The following FOXP2 variants were observed in gnomAD, a reference collection of about 807,000 sequenced individuals.
The protein encoded by FOXP2 is forkhead box protein P2.
In FOXP2, 12 loss-of-function variants were observed where a neutral mutation model predicts 115.8. The observed-to-expected ratio is 0.10, with a 90% confidence interval of 0.07 to 0.17. The LOEUF (loss-of-function observed/expected upper bound fraction) is 0.17. FOXP2 is among the 10% of genes least tolerant of loss of function. The pLI, the probability that FOXP2 is intolerant of heterozygous loss-of-function variation, is 1.00. For synonymous variants in FOXP2, 328 were observed against 297.7 expected, an observed-to-expected ratio of 1.10 and a Z score of -1.05; for missense variants, 629 against 843.5, an observed-to-expected ratio of 0.75 and a Z score of 3.15.
At chr7:114,588,528 A>G (rs1194764822) in intron 3 of FOXP2, among the ~76,000 whole-genome samples, 3 of 152,258 alleles carry the variant, frequency 2.0e-5, no homozygotes, top group African/African-American at 4.8e-5. Context: ...GAAACTGACA[A>G]TACATATCTT....
chr7:114,117,887 C>T (rs1236166591), intron 1 of FOXP2, among the ~76,000 whole-genome samples: 2 of 152,148 alleles, frequency 1.3e-5, no homozygotes, highest in African/African-American at 4.8e-5. Context: ...TGTATCCTCA[C>T]ATGGCGAAGA....
intron 2 of FOXP2, among the ~76,000 whole-genome samples, chr7:114,440,191 TA>T: frequency 6.6e-6 from 1 of 152,290 alleles, no homozygotes; most frequent in South Asian, 2.1e-4. Flanking sequence ...GTCACATAGC[TA>T]GTAAGACAGA....
rs1449417391 is a variant in FOXP2, at chr7:114,691,715, G to A, written c.*1789G>A. ...TGGTTATTGCTTTACAAACAGTTTTGACAGAAGGTGGCTGCTAGAGCTTAA... is the reference window on the plus strand; with the variant it reads ...TGGTTATTGCTTTACAAACAGTTTTAACAGAAGGTGGCTGCTAGAGCTTAA... On this transcript the variant is annotated 3_prime_UTR_variant, in exon 17 of 17. Coordinates refer to ENST00000350908, the MANE Select transcript of FOXP2 (RefSeq NM_014491.4). 2.2e-6 allele frequency: 1 copy of A among 453,916 alleles called. No homozygotes were observed. Among genetic ancestry groups the A allele is most frequent in the African/African-American group, 2.0e-5 (1 of 49,932 alleles). The allele number at this position is 453,916 out of a possible 1,614,324, so 28.1% of individuals were successfully genotyped here. A position where few individuals can be genotyped will look rare whatever the true frequency, so the allele number is the denominator to read the frequency against.
chr7:114,216,655 G>A (rs1404594164), intron 1 of FOXP2, among the ~76,000 whole-genome samples: 2 of 151,826 alleles, frequency 1.3e-5, no homozygotes, highest in African/African-American at 4.8e-5. Context: ...TTAAGTGTAC[G>A]TCTCTGATTT....
intron 1 of FOXP2, among the ~76,000 whole-genome samples, chr7:114,232,809 G>A (rs905818484): frequency 2.2e-5 from 3 of 135,094 alleles, no homozygotes; most frequent in African/African-American, 2.9e-5. Flanking sequence ...GCGAAACTCC[G>A]TCTCAAAAAA....
At chr7:114,131,152 C>A (rs1791864676) in intron 1 of FOXP2, among the ~76,000 whole-genome samples, 1 of 152,144 alleles carries the variant, frequency 6.6e-6, no homozygotes, top group South Asian at 2.1e-4. Context: ...TTTACCAGAT[C>A]ATATGCTGTT....
At chr7:114,387,712 T>TA (rs971181450) in intron 2 of FOXP2, among the ~76,000 whole-genome samples, 2 of 152,112 alleles carry the variant, frequency 1.3e-5, no homozygotes, top group South Asian at 2.1e-4. Flanking sequence ...ATATTCACAG[T>TA]AAAAAAATTC....
At chr7:114,218,918 G>A (rs554891911) in intron 1 of FOXP2, among the ~76,000 whole-genome samples, 7 of 152,126 alleles carry the variant, frequency 4.6e-5, no homozygotes, top group South Asian at 2.1e-4. Context: ...ACCAGCTGCC[G>A]TCCTGAACTC....
chr7:114,663,374 C>G (rs938972581), intron 14 of FOXP2, 76 bp from the exon 15 acceptor site: 6 of 1,097,532 alleles, frequency 5.5e-6, no homozygotes, highest in Admixed American at 3.6e-5. Context: ...CAGAACATAC[C>G]TTTATAGCTG....
rs577513586 is a variant in FOXP2, at chr7:114,291,921, T to C, written c.-11+3812T>C. 5.6e-3 allele frequency among the ~76,000 whole-genome samples: 795 copies of C among 141,746 alleles called. 11 individuals are homozygous for C. The highest frequency in any genetic ancestry group is 0.011 in the African/African-American group (406 of 38,422). 93.0% of individuals were successfully genotyped at this position (141,746 alleles called of 152,430 possible). A position where few individuals can be genotyped will look rare whatever the true frequency, so the allele number is the denominator to read the frequency against. On this transcript the variant is annotated intron_variant, in intron 2 of 17. Coordinates refer to the FOXP2 transcript ENST00000634411. ...TAGATAATATATAGAATATATATTATAGATAATATATAGAATATATATTAT... is the reference window on the plus strand; with the variant it reads ...TAGATAATATATAGAATATATATTACAGATAATATATAGAATATATATTAT...
intron 3 of FOXP2, among the ~76,000 whole-genome samples, chr7:114,544,331 G>T (rs574595686): frequency 1.3e-4 from 20 of 151,842 alleles, no homozygotes; most frequent in Non-Finnish European, 2.4e-4. Flanking sequence ...CCCAGTTAGA[G>T]AGCCTCTGTC....
intron 2 of FOXP2, among the ~76,000 whole-genome samples, chr7:114,321,632 A>C (rs886887041): frequency 6.6e-6 from 1 of 152,210 alleles, no homozygotes; most frequent in Non-Finnish European, 1.5e-5. Flanking sequence ...CTTTTGTAGC[A>C]AACGTGTGTA....
At chr7:114,567,284 CT>C (rs1431833466) in intron 3 of FOXP2, among the ~76,000 whole-genome samples, 1 of 151,988 alleles carries the variant, frequency 6.6e-6, no homozygotes, top group East Asian at 1.9e-4. Flanking sequence ...GTTCTAATTA[CT>C]TTACAATTGA....
chr7:114,604,156 T>C (rs1260952571), intron 3 of FOXP2, among the ~76,000 whole-genome samples: 1 of 152,146 alleles, frequency 6.6e-6, no homozygotes, highest in Non-Finnish European at 1.5e-5. Flanking sequence ...ATCCAGTGGC[T>C]GGTGAGGATC....
At chr7:114,425,841 T>C (rs527567667) in intron 1 of FOXP2, among the ~76,000 whole-genome samples, 1 of 151,720 alleles carries the variant, frequency 6.6e-6, no homozygotes, top group South Asian at 2.1e-4. Flanking sequence ...GTCAGAAAAA[T>C]AAATGAATAT....
chr7:114,274,256 T>A (rs532910987), intron 1 of FOXP2, among the ~76,000 whole-genome samples: 17 of 152,286 alleles, frequency 1.1e-4, no homozygotes, highest in African/African-American at 3.8e-4. Flanking sequence ...AATTTGCTTA[T>A]ATATAAGCAT....
intron 1 of FOXP2, among the ~76,000 whole-genome samples, chr7:114,281,615 T>A (rs1375264906): frequency 6.6e-6 from 1 of 152,162 alleles, no homozygotes; most frequent in East Asian, 1.9e-4. Flanking sequence ...TTGATTAATT[T>A]TTGATTTTTA....
At chr7:114,091,100 TG>T (rs1420416010) in intron 1 of FOXP2, among the ~76,000 whole-genome samples, 2 of 151,846 alleles carry the variant, frequency 1.3e-5, no homozygotes, top group Non-Finnish European at 3.0e-5. Context: ...GTAAAATAAA[TG>T]GGTACTTCCA....
chr7:114,381,877 G>A (rs572325058), intron 2 of FOXP2, among the ~76,000 whole-genome samples: 25 of 152,182 alleles, frequency 1.6e-4, no homozygotes, highest in East Asian at 3.9e-4. Context: ...GAAAGGAGGC[G>A]GAATCCTTTA....
Sources: allele counts gnomAD v4.1 joint callset (sites outside exome capture counted in the v4.1 genomes callset), GRCh38; gene constraint gnomAD v4.1.1; transcripts MANE v1.5; gene names NCBI Gene and HGNC (gene_info 2026-07-23, HGNC 2026-07-21).